The following UTRN variants were observed in gnomAD, a reference collection of about 807,000 sequenced individuals.
The protein encoded by UTRN is dystrophin-related protein 1.
In UTRN, 283 loss-of-function variants were observed where a neutral mutation model predicts 463.9. The observed-to-expected ratio is 0.61, with a 90% CI of 0.55 to 0.67. The LOEUF is 0.67. UTRN is among the 30% of genes least tolerant of loss of function. The pLI, the probability that UTRN is intolerant of heterozygous loss-of-function variation, is 0.00. For missense variants in UTRN, 3,922 were observed against 4,084.3 expected (o/e 0.96, Z 1.08); for synonymous variants, 1,442 against 1,431.5 (o/e 1.01, Z -0.17).
chr6:144,633,736 G>A (rs927193857), intron 51 of UTRN, among the ~76,000 whole-genome samples: 1 of 152,172 alleles, frequency 6.6e-6, no homozygotes, highest in African/African-American at 2.4e-5. Flanking sequence ...TTAACTGCAT[G>A]TTTTTAGTTA....
At position 144,499,100 on chromosome 6, in the gene UTRN, C is replaced by A. The variant is rs112622347; in HGVS notation, c.4594-157C>A. Among the ~76,000 whole-genome samples, 227 of 152,224 alleles carry A rather than the reference C, an allele frequency of 1.5e-3. 2 individuals are homozygous for A. Among genetic ancestry groups the A allele is most frequent in the African/African-American group, 5.2e-3 (215 of 41,546 alleles). ...AGCATATTGCCTCCTTGCAGAAATG[C>A]AAGCTTAGAGGATTCTAAGGTGCTA... On this transcript the variant is annotated intron_variant, in intron 33 of 74. Transcript: ENST00000367545.
At chr6:144,482,014 A>C (rs1291290737) in intron 26 of UTRN, among the ~76,000 whole-genome samples, 195 bp from the exon 27 acceptor site, 1 of 152,118 alleles carries the variant, frequency 6.6e-6, no homozygotes, top group Non-Finnish European at 1.5e-5. Context: ...ACAAGACTCT[A>C]TCTCAAAAAC....
intron 4 of UTRN, among the ~76,000 whole-genome samples, chr6:144,422,391 C>T (rs1018649728): frequency 1.4e-4 from 22 of 152,226 alleles, no homozygotes; most frequent in South Asian, 1.0e-3. Context: ...CCAAGGTGGG[C>T]GGATTGCCTG....
chr6:144,407,802 A>G (rs1295351122), intron 3 of UTRN, among the ~76,000 whole-genome samples: 1 of 152,220 alleles, frequency 6.6e-6, no homozygotes, highest in Non-Finnish European at 1.5e-5. Flanking sequence ...TGAACATATC[A>G]TGGAGTATAC....
At chr6:144,381,414 A>G (rs756071170) in intron 2 of UTRN, among the ~76,000 whole-genome samples, 22 of 152,060 alleles carry the variant, frequency 1.4e-4, no homozygotes, top group South Asian at 6.2e-4. Flanking sequence ...TCTTTATCCA[A>G]TCCACCACTA....
chr6:144,506,956 T>C (rs574073646), intron 34 of UTRN, among the ~76,000 whole-genome samples: 4 of 152,156 alleles, frequency 2.6e-5, no homozygotes, highest in Non-Finnish European at 5.9e-5. Context: ...GAGGCTTTGT[T>C]TGTTCATTTT....
At chr6:144,813,307 G>A (rs556882575) in intron 65 of UTRN, among the ~76,000 whole-genome samples, 3 of 152,158 alleles carry the variant, frequency 2.0e-5, no homozygotes, top group South Asian at 4.2e-4. Context: ...TCCTGCCTTA[G>A]CCTCCTGAGT....
intron 9 of UTRN, among the ~76,000 whole-genome samples, chr6:144,434,902 C>A (rs1197353605): frequency 6.6e-6 from 1 of 152,096 alleles, no homozygotes; most frequent in East Asian, 1.9e-4. Flanking sequence ...TTACTTGGGA[C>A]AGTTCTGGTT....
At chr6:144,316,798 T>C (rs1373225539) in intron 2 of UTRN, among the ~76,000 whole-genome samples, 1 of 152,224 alleles carries the variant, frequency 6.6e-6, no homozygotes, top group Non-Finnish European at 1.5e-5. Context: ...GTTTCATAGA[T>C]GAGGATATGC....
intron 3 of UTRN, among the ~76,000 whole-genome samples, chr6:144,407,444 T>C (rs1783518606): frequency 6.6e-6 from 1 of 152,178 alleles, no homozygotes; most frequent in African/African-American, 2.4e-5. Context: ...TTTGCTGCAT[T>C]ATTGACAAAA....
intron 1 of UTRN, among the ~76,000 whole-genome samples, chr6:144,289,646 C>G (rs1483859896): frequency 6.6e-6 from 1 of 150,654 alleles, no homozygotes; most frequent in African/African-American, 2.4e-5. Flanking sequence ...ACAAGTTTTC[C>G]CACTTACTTT....
intron 2 of UTRN, among the ~76,000 whole-genome samples, chr6:144,393,403 T>TA (rs1179958931): frequency 4.6e-5 from 7 of 152,242 alleles, no homozygotes; most frequent in Non-Finnish European, 7.3e-5. Flanking sequence ...GCTTCTGACT[T>TA]AAACTAGTTT....
rs906615190 is a variant in UTRN, at chr6:144,357,605, A to G, written c.80-45518A>G. 6.2e-4 allele frequency among the ~76,000 whole-genome samples: 94 copies of G among 152,220 alleles called. 1 individual carries two copies. Among genetic ancestry groups the G allele is most frequent in the Non-Finnish European group, 1.0e-4 (7 of 68,038 alleles). On this transcript the variant is annotated intron_variant, in intron 2 of 74. Transcript: ENST00000367545. Reference sequence around the variant, plus strand: ...ATTTTGTTTTTTCATCCTCAAGTCTACAAGAACGGAATAGTCAGTGGGATA... The same window carrying G: ...ATTTTGTTTTTTCATCCTCAAGTCTGCAAGAACGGAATAGTCAGTGGGATA...
intron 52 of UTRN, among the ~76,000 whole-genome samples, chr6:144,684,301 T>C (rs1415615479): frequency 6.6e-6 from 1 of 152,106 alleles, no homozygotes; most frequent in Non-Finnish European, 1.5e-5. Context: ...CCACTCGCCT[T>C]GGCCTCCCAA....
intron 51 of UTRN, among the ~76,000 whole-genome samples, chr6:144,671,297 GTT>G (rs1283056356): frequency 6.6e-6 from 1 of 152,026 alleles, no homozygotes; most frequent in Non-Finnish European, 1.5e-5. Flanking sequence ...ATTTGTTTGT[GTT>G]GTCTGTGATT....
chr6:144,835,884 G>C lies in UTRN; in HGVS notation c.9770G>C (p.Arg3257Thr). Residue 3257 changes from arginine (R) to threonine (T), a missense_variant, in exon 70 of 75, where the codon AGG becomes ACG. Physicochemically the swap from Arg to Thr is moderately conservative, Grantham distance 71. Around this residue, in one of 3 missense-constraint regions of UTRN, gnomAD observed 1,309 missense variants for 1,452.6 expected, o/e 0.90. Transcript: ENST00000367545. ...SPAQILKSVE[R>T]EERGELERII... ...GCTCAGATCCTGAAGTCAGTAGAGA[G>C]GGAAGAACGTGGAGAACTGGAGAGG... 6.2e-7 allele frequency: 1 copy of C among 1,614,124 alleles called. No homozygotes were observed. Among genetic ancestry groups the C allele is most frequent in the Non-Finnish European group, 8.5e-7 (1 of 1,179,982 alleles).
chr6:144,801,720 C>A (rs1227063846), intron 64 of UTRN, among the ~76,000 whole-genome samples: 1 of 152,128 alleles, frequency 6.6e-6, no homozygotes, highest in Non-Finnish European at 1.5e-5. Context: ...CTTTAGTTTT[C>A]TTTCTTGTAA....
At chr6:144,395,897 A>G (rs890676229) in intron 2 of UTRN, among the ~76,000 whole-genome samples, 2 of 152,154 alleles carry the variant, frequency 1.3e-5, no homozygotes, top group Non-Finnish European at 2.9e-5. Context: ...TAGTGAGGAT[A>G]TGGAGAAATT....
chr6:144,445,566 C>G (rs1000581008), intron 14 of UTRN, among the ~76,000 whole-genome samples: 6 of 148,026 alleles, frequency 4.1e-5, no homozygotes, highest in South Asian at 2.1e-4. Flanking sequence ...ACTTCCCCCC[C>G]CGCCCTCAAT....
Sources: allele counts gnomAD v4.1 joint callset (sites outside exome capture counted in the v4.1 genomes callset), GRCh38; gene constraint gnomAD v4.1.1; regional missense constraint gnomAD v4.1.1; transcripts MANE v1.5; gene names NCBI Gene and HGNC (gene_info 2026-07-23, HGNC 2026-07-21).